Variants in PAX7 observed in about 807,000 individuals in gnomAD.
PAX7 encodes the protein paired box 7.
PAX7 carries 18 observed loss-of-function variants against 50.7 expected under a neutral mutation model. The observed-to-expected ratio is 0.36, with a 90% CI of 0.25 to 0.53. The LOEUF (loss-of-function observed/expected upper bound fraction) is 0.53, where lower values mean the gene tolerates loss of function less well. Ranked by LOEUF, PAX7 falls within the 20% of genes least tolerant of loss-of-function variation. The pLI, the probability that PAX7 is intolerant of heterozygous loss-of-function variation, is 0.93. For synonymous variants in PAX7, 310 were observed against 290.4 expected (o/e 1.07, Z -0.69); for missense variants, 644 against 702.9 (o/e 0.92, Z 0.95).
At position 18,634,352 on chromosome 1, in the gene PAX7, C is replaced by T. The variant is rs151281538; in HGVS notation, c.135C>T (p.Phe45=). The T allele has an allele frequency of 8.3e-5, 134 of 1,613,934 alleles. No homozygotes were observed. Among genetic ancestry groups the T allele is most frequent in the Middle Eastern group, 1.6e-4 (1 of 6,084 alleles). Residue 45 remains phenylalanine (F), a synonymous_variant, in exon 2 of 9, where the codon TTC becomes TTT. Transcript: ENST00000420770. This position sits in a 1 kb window ranked among gnomAD's most constrained non-coding sequence, Gnocchi z 4.0. ...QGRVNQLGGV[F]INGRPLPNHI... Reference sequence around the variant, plus strand: ...GGGTCAATCAGCTGGGAGGGGTCTTCATCAATGGGCGACCCCTGCCTAACC... The same window carrying T: ...GGGTCAATCAGCTGGGAGGGGTCTTTATCAATGGGCGACCCCTGCCTAACC...
At chr1:18,686,954 G>A (rs1191717886) in intron 4 of PAX7, among the ~76,000 whole-genome samples, 1 of 150,698 alleles carries the variant, frequency 6.6e-6, no homozygotes, top group Non-Finnish European at 1.5e-5. Context: ...GCAGTGGCGT[G>A]ATCTCAGCTC....
At chr1:18,650,214 G>T (rs933552604) in intron 4 of PAX7, among the ~76,000 whole-genome samples, 1 of 152,212 alleles carries the variant, frequency 6.6e-6, no homozygotes, top group Non-Finnish European at 1.5e-5. Context: ...GAGATAAGGT[G>T]ATAACTGCTT....
chr1:18,698,171 C>T (rs559543300), intron 5 of PAX7, among the ~76,000 whole-genome samples: 1 of 152,092 alleles, frequency 6.6e-6, no homozygotes, highest in East Asian at 1.9e-4. Flanking sequence ...ATGTTCGCCA[C>T]CTTCACCTAT....
Position 18,692,177 on chromosome 1 carries a change from G to A in PAX7, c.786+224G>A, listed in dbSNP as rs191304115. Among the ~76,000 whole-genome samples, 218 of 152,218 alleles carry A rather than the reference G, an allele frequency of 1.4e-3. 2 individuals are homozygous for A. The highest frequency in any genetic ancestry group is 5.0e-3 in the African/African-American group (208 of 41,524). Reference sequence around the variant, plus strand: ...GCCCAAGGAGGAGGGAAGAATGAAGGGAGAGATAGAGGGAAGGGGGGAAGA... The same window carrying A: ...GCCCAAGGAGGAGGGAAGAATGAAGAGAGAGATAGAGGGAAGGGGGGAAGA... On this transcript the variant is annotated intron_variant, in intron 5 of 8. Transcript: ENST00000420770.
intron 7 of PAX7, among the ~76,000 whole-genome samples, chr1:18,706,544 C>T (rs774589503): frequency 2.7e-4 from 40 of 149,744 alleles, no homozygotes; most frequent in Non-Finnish European, 4.6e-4. Context: ...TGATTGCAAC[C>T]TCCGCCTCCT....
At chr1:18,712,173 G>C (rs1190344058) in intron 7 of PAX7, among the ~76,000 whole-genome samples, 1 of 152,264 alleles carries the variant, frequency 6.6e-6, no homozygotes, top group East Asian at 1.9e-4. Context: ...GTGAACTGAC[G>C]GTCGCTTTAG....
chr1:18,737,131 A>T (rs1557561194), intron 8 of PAX7, among the ~76,000 whole-genome samples: 2 of 152,288 alleles, frequency 1.3e-5, no homozygotes, highest in African/African-American at 4.8e-5. Context: ...CAAGGCCAGC[A>T]GCAGGGCAGG....
intron 7 of PAX7, among the ~76,000 whole-genome samples, chr1:18,707,464 G>A (rs2089299355): frequency 7.5e-6 from 1 of 133,202 alleles, no homozygotes; most frequent in East Asian, 2.2e-4. Flanking sequence ...CTGTTACCCA[G>A]GCTGGAGTGC....
At chr1:18,738,238 C>T (rs1375306113) in intron 8 of PAX7, among the ~76,000 whole-genome samples, 2 of 152,096 alleles carry the variant, frequency 1.3e-5, no homozygotes, top group Non-Finnish European at 2.9e-5. Context: ...CAGAGGGTCC[C>T]AGGGTGACCT....
At chr1:18,659,987 A>G (rs2088577060) in intron 4 of PAX7, among the ~76,000 whole-genome samples, 1 of 152,230 alleles carries the variant, frequency 6.6e-6, no homozygotes, top group Non-Finnish European at 1.5e-5. Flanking sequence ...ACCCTTCGGC[A>G]TCTGCCCCTT....
intron 4 of PAX7, among the ~76,000 whole-genome samples, chr1:18,639,466 G>A (rs960543739): frequency 6.6e-6 from 1 of 151,266 alleles, no homozygotes; most frequent in Non-Finnish European, 1.5e-5. Context: ...TTCTCAGACC[G>A]TTGCCGATAG....
chr1:18,637,099 G>A (rs1047840681), intron 4 of PAX7, among the ~76,000 whole-genome samples: 1 of 151,682 alleles, frequency 6.6e-6, no homozygotes, highest in Non-Finnish European at 1.5e-5. Flanking sequence ...CGGCTTCCGC[G>A]GGCAGGCTGG....
chr1:18,656,054 C>A (rs1314489322), intron 4 of PAX7, among the ~76,000 whole-genome samples: 1 of 152,046 alleles, frequency 6.6e-6, no homozygotes, highest in Non-Finnish European at 1.5e-5. Context: ...AACCCATCTG[C>A]GATATGGGTA....
intron 4 of PAX7, among the ~76,000 whole-genome samples, chr1:18,689,551 G>A (rs765168668): frequency 3.3e-5 from 5 of 152,156 alleles, no homozygotes; most frequent in African/African-American, 4.8e-5. Context: ...TGTGTGGCAT[G>A]GCGTCACCAT....
chr1:18,707,413 TTC>T (rs68021696), intron 7 of PAX7, among the ~76,000 whole-genome samples: 33,505 of 80,402 alleles, frequency 0.42, 5,610 homozygotes, highest in Non-Finnish European at 0.48. Context: ...CTTTTTTTCT[TTC>T]TTTTTTTTTT....
At chr1:18,692,184 T>G (rs1179507707) in intron 5 of PAX7, among the ~76,000 whole-genome samples, 1 of 147,716 alleles carries the variant, frequency 6.8e-6, no homozygotes, top group Non-Finnish European at 1.5e-5. Flanking sequence ...AAGGGAGAGA[T>G]AGAGGGAAGG....
In PAX7 at chr1:18,667,473, C is replaced by A. The variant is rs74881643; in HGVS notation, c.587-24281C>A. 2.6e-3 allele frequency among the ~76,000 whole-genome samples: 396 copies of A among 151,490 alleles called. 7 individuals carry two copies. In the East Asian group the frequency reaches 0.051, roughly 20 times the overall value. On this transcript the variant is annotated intron_variant, in intron 4 of 8. Transcript: ENST00000420770. ...AAGGAGCTTTGGTCTGCACACACCC[C>A]GGAGCAGCAGCCCGGTAAAAGCGGA...
In PAX7 at chr1:18,748,511, T is replaced by G. The variant is rs1307048145; in HGVS notation, c.*3582T>G. The G allele has an allele frequency of 2.2e-5, 5 of 231,676 alleles. No individual in the cohort carries two copies. The Admixed American group carries it at 2.8e-4, about 13-fold the overall frequency. 14.4% of individuals were successfully genotyped at this position (231,676 alleles called of 1,614,324 possible). A position where few individuals can be genotyped will look rare whatever the true frequency, so the allele number is the denominator to read the frequency against. On this transcript the variant is annotated 3_prime_UTR_variant, in exon 9 of 9. Transcript: ENST00000420770. The stretch of plus-strand genomic sequence containing the variant: ...CGCTCTGAGACTTCTGTGTATTTGA[T>G]GCTTCTTCAAGTCAGCTCTGACGTG...
intron 4 of PAX7, among the ~76,000 whole-genome samples, chr1:18,652,315 G>T (rs994733965): frequency 2.0e-5 from 3 of 149,942 alleles, no homozygotes; most frequent in African/African-American, 7.3e-5. Context: ...AAAATGTATT[G>T]AGAACCCACT....
Sources: allele counts gnomAD v4.1 joint callset (sites outside exome capture counted in the v4.1 genomes callset), GRCh38; gene constraint gnomAD v4.1.1; non-coding constraint Gnocchi (gnomAD v3.1); transcripts MANE v1.5; gene names NCBI Gene and HGNC (gene_info 2026-07-23, HGNC 2026-07-21).